The following LTBP3 variants were observed in gnomAD, a reference collection of about 807,000 sequenced individuals.
LTBP3 encodes the protein latent-transforming growth factor beta-binding protein 3.
LTBP3 carries 97 observed loss-of-function variants against 159.7 expected under a neutral mutation model. The ratio of observed to expected loss-of-function variants is 0.61; its 90% CI spans 0.52 to 0.72. The LOEUF (loss-of-function observed/expected upper bound fraction) is 0.72. Among genes scored for constraint, LTBP3 ranks in the 30% least tolerant of loss-of-function variants. The pLI is 0.00. For missense variants in LTBP3, 1,584 were observed against 1,864.3 expected (o/e 0.85, Z 2.77); for synonymous variants, 824 against 777.1 (o/e 1.06, Z -1.00).
At chr11:65,543,599 TCTA>T in intron 16 of LTBP3, 50 bp from the exon 17 acceptor site, 1 of 1,612,684 alleles carries the variant, frequency 6.2e-7, no homozygotes, top group Non-Finnish European at 8.5e-7. Context: ...GTCTTGGGTT[TCTA>T]CTACTGTTTT....
Position 65,553,023 on chromosome 11 carries a change from T to TG in LTBP3, c.1064-42dup. The TG allele has an allele frequency of 3.1e-6, 5 of 1,613,690 alleles. No homozygotes were observed. The highest frequency in any genetic ancestry group is 1.1e-5 in the South Asian group (1 of 91,060). ...GTTTGGCCCCTCTGGTCTGGGGCCA[T>TG]GGGGTGACAGCAGGCTGCTCCAAGA... is the stretch of plus-strand genomic sequence containing the variant. On this transcript the variant is annotated intron_variant, in intron 5 of 27. Transcript: ENST00000301873. This position sits in a 1 kb window ranked among gnomAD's most constrained non-coding sequence, Gnocchi z 6.5.
At position 65,557,810 on chromosome 11, in the gene LTBP3, G is replaced by T; in HGVS notation, c.150C>A (p.Gly50=). 1 of 1,503,264 alleles carries T rather than the reference G, an allele frequency of 6.7e-7. No individual in the cohort carries two copies. The highest frequency in any genetic ancestry group is 8.8e-7 in the Non-Finnish European group (1 of 1,130,282). 93.1% of individuals were successfully genotyped at this position (1,503,264 alleles called of 1,614,324 possible). A position where few individuals can be genotyped will look rare whatever the true frequency, so the allele number is the denominator to read the frequency against. ...GGGCCAGCGCCCCGCCCCCGCCTGC[G>T]CCCCGCTCGCCGGCCGGCCCCCCCT... is the stretch of plus-strand genomic sequence containing the variant. The part of the protein sequence containing the change: ...RVEGGPAGER[G]AGGGGALARE... The change falls in exon 1 of 28, where the codon GGC becomes GGA. Residue 50 remains glycine (G), a synonymous_variant. Coordinates refer to ENST00000301873, the MANE Select transcript of LTBP3 (RefSeq NM_001130144.3).
intron 1 of LTBP3, among the ~76,000 whole-genome samples, chr11:65,557,255 T>G (rs532676785): frequency 1.3e-5 from 2 of 152,238 alleles, no homozygotes; most frequent in African/African-American, 4.8e-5. Context: ...CAAGTCTGCT[T>G]CTTGCGGGAA....
chr11:65,547,572 G>C lies in LTBP3; in HGVS notation c.1979-5C>G, dbSNP rs779727303. 2 of 1,613,634 alleles carry C rather than the reference G, an allele frequency of 1.2e-6. No individual in the cohort carries two copies. The highest frequency in any genetic ancestry group is 1.7e-6 in the Non-Finnish European group (2 of 1,179,714). ...GCTTGGCGCATTCGTTCAGGTCTGTGCGGGAGGAAGGGGCCACGAAGGGGG... is the reference window on the plus strand; with the variant it reads ...GCTTGGCGCATTCGTTCAGGTCTGTCCGGGAGGAAGGGGCCACGAAGGGGG... On this transcript the variant is annotated splice_region_variant and splice_polypyrimidine_tract_variant and intron_variant, in intron 13 of 27. Coordinates refer to ENST00000301873, the MANE Select transcript of LTBP3 (RefSeq NM_001130144.3). This position sits in a 1 kb window ranked among gnomAD's most constrained non-coding sequence, Gnocchi z 4.6.
In LTBP3 at chr11:65,540,477, G is replaced by A. The variant is rs777722947; in HGVS notation, c.3106+9C>T. On this transcript the variant is annotated intron_variant, in intron 22 of 27. Coordinates refer to ENST00000301873, the MANE Select transcript of LTBP3 (RefSeq NM_001130144.3). ...CGCTTCCCCACGGCCGCCGGGGGGCGGAGCTCACCCACGCATTCCAGCAGG... is the reference window on the plus strand; with the variant it reads ...CGCTTCCCCACGGCCGCCGGGGGGCAGAGCTCACCCACGCATTCCAGCAGG... 32 of 1,613,238 alleles carry A rather than the reference G, an allele frequency of 2.0e-5. 1 individual carries two copies. Among genetic ancestry groups the A allele is most frequent in the Non-Finnish European group, 2.6e-5 (31 of 1,179,780 alleles).
chr11:65,551,694 A>AG (rs1856619669), intron 8 of LTBP3, 130 bp from the exon 9 acceptor site: 5 of 1,225,206 alleles, frequency 4.1e-6, no homozygotes, highest in Non-Finnish European at 6.0e-6. Context: ...GTCAAGGGTC[A>AG]GGGGTTAGAT....
chr11:65,555,977 C>CG (rs779140973), intron 1 of LTBP3, among the ~76,000 whole-genome samples: 2 of 152,238 alleles, frequency 1.3e-5, no homozygotes. Context: ...GTGTCCTGGG[C>CG]GGGGGGAGGT....
chr11:65,546,469 G>T lies in LTBP3; in HGVS notation c.2326C>A (p.Pro776Thr). Residue 776 changes from proline (P) to threonine (T), a missense_variant, in exon 16 of 28, where the codon CCC becomes ACC. Pro to Thr is a conservative substitution (Grantham distance 38). This residue lies in a region of LTBP3 where 565 missense variants were observed against 677.7 expected (regional missense o/e 0.83). Transcript: ENST00000301873. This position sits in a 1 kb window ranked among gnomAD's most constrained non-coding sequence, Gnocchi z 4.0. ...FRCTCAQGYA[P>T]APDGRSCLDV... is the part of the protein sequence containing the mutation. ...AAGCAACTGCGGCCGTCGGGCGCGG[G>T]CGCGTAGCCCTGGGCACAGGTGCAG... The T allele has an allele frequency of 6.3e-7, 1 of 1,582,418 alleles. No homozygotes were observed.
In LTBP3 at chr11:65,539,042, G is replaced by A; in HGVS notation, c.*38C>T. The A allele has an allele frequency of 1.5e-6, 2 of 1,344,594 alleles. No homozygotes were observed. Among genetic ancestry groups the A allele is most frequent in the Non-Finnish European group, 1.9e-6 (2 of 1,050,116 alleles). The allele number at this position is 1,344,594 out of a possible 1,614,324, so 83.3% of individuals were successfully genotyped here. On this transcript the variant is annotated 3_prime_UTR_variant, in exon 28 of 28. Transcript: ENST00000301873. ...GCCGAGCTCGCGGAAATCCCTCAGTGATCACCGAGGTCTGGGCCGAGGGCG... is the reference window on the plus strand; with the variant it reads ...GCCGAGCTCGCGGAAATCCCTCAGTAATCACCGAGGTCTGGGCCGAGGGCG...
chr11:65,553,253 G>A lies in LTBP3; in HGVS notation c.974C>T (p.Thr325Ile). 1.2e-6 allele frequency: 2 copies of A among 1,613,160 alleles called. No homozygotes were observed. The highest frequency in any genetic ancestry group is 1.7e-6 in the Non-Finnish European group (2 of 1,179,162). Residue 325 changes from threonine to isoleucine, a missense_variant, in exon 5 of 28, where the codon ACA becomes ATA. Around this residue, in one of 6 missense-constraint regions of LTBP3, gnomAD observed 156 missense variants for 259.7 expected, o/e 0.60. Coordinates refer to ENST00000301873, the MANE Select transcript of LTBP3 (RefSeq NM_001130144.3). The surrounding 1 kb of genome is among the most constrained non-coding windows in gnomAD (Gnocchi z 6.5). Reference sequence around the variant, plus strand: ...TACAGGCCCTGGCTTCTGCACTCCTGTGTCTGCAGAGAGAGGATAGCTTGG... The same window carrying A: ...TACAGGCCCTGGCTTCTGCACTCCTATGTCTGCAGAGAGAGGATAGCTTGG... ...KCHKCPQLQY[T>I]GVQKPGPVRG...
At chr11:65,542,904 G>A (rs1189470924) in intron 18 of LTBP3, 7 of 716,576 alleles carry the variant, frequency 9.8e-6, no homozygotes, top group Non-Finnish European at 1.7e-5. Flanking sequence ...GTGAGTGGAA[G>A]GATGAATGGA....
At chr11:65,556,070 G>T (rs1027693525) in intron 1 of LTBP3, among the ~76,000 whole-genome samples, 3 of 152,154 alleles carry the variant, frequency 2.0e-5, no homozygotes, top group Admixed American at 2.0e-4. Context: ...ACTGTGGCCT[G>T]GGCACCGAGC....
Position 65,557,921 on chromosome 11 carries a change from A to G in LTBP3, c.39T>C (p.Pro13=). The change falls in exon 1 of 28, where the codon CCT becomes CCC. Residue 13 remains proline (P), a synonymous_variant. Coordinates refer to ENST00000301873, the MANE Select transcript of LTBP3 (RefSeq NM_001130144.3). The part of the protein sequence containing the change: ...GPRGAAGGLA[P]EMRGAGAAGL... ...CCGCCGCCCCCGCCCCGCGCATCTCAGGGGCCAGGCCGCCAGCAGCCCCTC... is the reference window on the plus strand; with the variant it reads ...CCGCCGCCCCCGCCCCGCGCATCTCGGGGGCCAGGCCGCCAGCAGCCCCTC... The G allele has an allele frequency of 1.6e-6, 2 of 1,241,950 alleles. No individual in the cohort carries two copies. The highest frequency in any genetic ancestry group is 4.7e-5 in the South Asian group (2 of 42,690). 76.9% of individuals were successfully genotyped at this position (1,241,950 alleles called of 1,614,324 possible). A position where few individuals can be genotyped will look rare whatever the true frequency, so the allele number is the denominator to read the frequency against.
Position 65,552,175 on chromosome 11 carries a change from GAC to G in LTBP3, c.1346-20_1346-19del. The G allele has an allele frequency of 6.2e-7, 1 of 1,614,188 alleles. No homozygotes were observed. Among genetic ancestry groups the G allele is most frequent in the Non-Finnish European group, 8.5e-7 (1 of 1,180,020 alleles). On this transcript the variant is annotated intron_variant, in intron 7 of 27. Coordinates refer to ENST00000301873, the MANE Select transcript of LTBP3 (RefSeq NM_001130144.3). This position sits in a 1 kb window ranked among gnomAD's most constrained non-coding sequence, Gnocchi z 6.0. ...GAACGCAGCTGCAGTCAAGACAGCA[GAC>G]ACAAAAGTGAGCATTTCCTGGACAG...
chr11:65,540,715 A>C, intron 21 of LTBP3, 101 bp from the exon 22 acceptor site: 1 of 1,511,110 alleles, frequency 6.6e-7, no homozygotes, highest in Non-Finnish European at 9.1e-7. Context: ...GGCGGGGCCT[A>C]CAGGAGGGGC....
At position 65,538,742 on chromosome 11, in the gene LTBP3, G is replaced by T; in HGVS notation, c.*338C>A. The T allele has an allele frequency of 1.0e-6, 1 of 997,338 alleles. No individual in the cohort carries two copies. Among genetic ancestry groups the T allele is most frequent in the East Asian group, 2.7e-5 (1 of 37,384 alleles). 61.8% of individuals were successfully genotyped at this position (997,338 alleles called of 1,614,324 possible). A position where few individuals can be genotyped will look rare whatever the true frequency, so the allele number is the denominator to read the frequency against. The stretch of plus-strand genomic sequence containing the variant: ...GGCTCAGTCTAGCCCCTGGGAGGCG[G>T]CTGGGGTCTGGCGCCGCCCTGCGCA... On this transcript the variant is annotated 3_prime_UTR_variant, in exon 28 of 28. Transcript: ENST00000301873.
chr11:65,548,253 A>T (rs1363177640), intron 11 of LTBP3: 2 of 702,070 alleles, frequency 2.8e-6, no homozygotes, highest in Non-Finnish European at 4.9e-6. Flanking sequence ...GGCCCCTGAC[A>T]GCCGTATCAC....
rs1464161784 is a variant in LTBP3, at chr11:65,554,730, T to C, written c.332-350A>G. Among the ~76,000 whole-genome samples, 2 of 152,088 alleles carry C rather than the reference T, an allele frequency of 1.3e-5. No homozygotes were observed. The highest frequency in any genetic ancestry group is 3.9e-4 in the East Asian group (2 of 5,188). On this transcript the variant is annotated intron_variant, in intron 1 of 27. Transcript: ENST00000301873. The surrounding 1 kb of genome is among the most constrained non-coding windows in gnomAD (Gnocchi z 5.3). ...CCAGGGCCTGGTACACAAAGGGTGCTTAATAAGTGGTAGCAAATAATTATG... is the reference window on the plus strand; with the variant it reads ...CCAGGGCCTGGTACACAAAGGGTGCCTAATAAGTGGTAGCAAATAATTATG...
intron 11 of LTBP3, chr11:65,548,481 C>T (rs1337912974): frequency 1.1e-5 from 3 of 270,856 alleles, no homozygotes; most frequent in Non-Finnish European, 2.1e-5. Flanking sequence ...TAAGCCCTTG[C>T]CCCAGGGACC....
Sources: gnomAD v4.1 joint callset for allele counts (sites outside exome capture counted in the v4.1 genomes callset) on GRCh38, gnomAD v4.1.1 for gene constraint, gnomAD v4.1.1 regional missense constraint, Gnocchi (gnomAD v3.1) non-coding constraint, MANE v1.5 for transcripts, NCBI Gene and HGNC (gene_info 2026-07-23, HGNC 2026-07-21) for gene names.